Variants in ELAVL4 observed in about 807,000 individuals in gnomAD.
The protein encoded by ELAVL4 is ELAV-like protein 4.
ELAVL4 carries 1 observed loss-of-function variant against 35.6 expected under a neutral mutation model. The ratio of observed to expected loss-of-function variants is 0.03; its 90% CI spans 0.01 to 0.13. The LOEUF is 0.13. ELAVL4 is among the 10% of genes least tolerant of loss of function. The pLI, the probability that ELAVL4 is intolerant of heterozygous loss-of-function variation, is 1.00. For missense variants in ELAVL4, 267 were observed against 464.9 expected, an observed-to-expected ratio of 0.57 and a Z score of 3.91; for synonymous variants, 156 against 171.0, an observed-to-expected ratio of 0.91 and a Z score of 0.69.
At chr1:50,099,166 G>C (rs148651448), upstream of ELAVL4, among the ~76,000 whole-genome samples, 132 of 152,242 alleles carry the variant, frequency 8.7e-4, 2 homozygotes, top group East Asian at 0.024. Context: ...ATCTTTTCTT[G>C]AGTGCCCACC....
At chr1:50,134,063 A>G (rs1671489498) in intron 1 of ELAVL4, among the ~76,000 whole-genome samples, 1 of 152,156 alleles carries the variant, frequency 6.6e-6, no homozygotes. Flanking sequence ...AACAAGTGTT[A>G]ATTTTCAAAA....
At chr1:50,182,648 T>G (rs959410210) in intron 3 of ELAVL4, among the ~76,000 whole-genome samples, 3 of 152,224 alleles carry the variant, frequency 2.0e-5, no homozygotes, top group Non-Finnish European at 4.4e-5. Context: ...CATAGAATGT[T>G]TGACAGATGA....
intron 1 of ELAVL4, among the ~76,000 whole-genome samples, chr1:50,085,703 G>T (rs1665209633): frequency 1.3e-5 from 2 of 152,124 alleles, no homozygotes; most frequent in Admixed American, 6.6e-5. Context: ...GACAGATGAG[G>T]TACCATTTTT....
At chr1:50,175,950 C>T (rs1204171180) in intron 2 of ELAVL4, 1 of 152,230 alleles carries the variant, frequency 6.6e-6, no homozygotes, top group Admixed American at 6.5e-5. Context: ...CCCTTCGGCT[C>T]TGCTGCCGCC....
At chr1:50,106,450 T>C, upstream of ELAVL4, 1 of 1,391,846 alleles carries the variant, frequency 7.2e-7, no homozygotes, top group Non-Finnish European at 1.0e-6. Context: ...CATTTTTAGG[T>C]TGCCTTAGCT....
rs181453916 is a variant in ELAVL4 at position 50,066,030 on chromosome 1, G to C, written c.18+17848G>C. 1.6e-3 allele frequency among the ~76,000 whole-genome samples: 251 copies of C among 152,282 alleles called. 3 individuals carry two copies. The highest frequency in any genetic ancestry group is 0.016 in the Admixed American group (243 of 15,300). On this transcript the variant is annotated intron_variant, in intron 1 of 6. Transcript: ENST00000448907. ...TTGGCCAAAGCAGATGACAAGACCA[G>C]CCCAGATACAGGAGTGGGGAAAGAG...
intron 1 of ELAVL4, chr1:50,144,475 G>A (rs749874292): frequency 2.4e-6 from 1 of 420,722 alleles, no homozygotes; most frequent in Non-Finnish European, 4.6e-6. Context: ...TTCCCATATT[G>A]AACAACCCCA....
At chr1:50,124,269 C>T (rs893147590) in intron 1 of ELAVL4, among the ~76,000 whole-genome samples, 1 of 152,028 alleles carries the variant, frequency 6.6e-6, no homozygotes, top group Non-Finnish European at 1.5e-5. Flanking sequence ...TTCTTCTTTC[C>T]TCTAGACTCC....
In ELAVL4 at chr1:50,053,731, C is replaced by A. The variant is rs1663515617; in HGVS notation, c.18+5549C>A. Among the ~76,000 whole-genome samples, 4 of 152,266 alleles carry A rather than the reference C, an allele frequency of 2.6e-5. No individual in the cohort carries two copies. The South Asian group carries it at 6.2e-4, about 24-fold the overall frequency. ...GTATCAGTGAACAAAACTCAGCTAT[C>A]CCTGTCAGCAAAGGAACAAGAGAAA... is the stretch of plus-strand genomic sequence containing the variant. On this transcript the variant is annotated intron_variant, in intron 1 of 6. Coordinates refer to the ELAVL4 transcript ENST00000448907.
chr1:50,065,776 G>A (rs1393362834), intron 1 of ELAVL4, among the ~76,000 whole-genome samples: 1 of 152,096 alleles, frequency 6.6e-6, no homozygotes, highest in African/African-American at 2.4e-5. Flanking sequence ...CAGCTCTTGG[G>A]CAAGAAGGTA....
chr1:50,164,701 CAT>C (rs1375787877), intron 2 of ELAVL4, among the ~76,000 whole-genome samples: 1 of 152,170 alleles, frequency 6.6e-6, no homozygotes, highest in Non-Finnish European at 1.5e-5. Context: ...AGGTCTTTCA[CAT>C]GTGTCTTATG....
chr1:50,087,701 T>C (rs903709191), intron 1 of ELAVL4, among the ~76,000 whole-genome samples: 3 of 152,064 alleles, frequency 2.0e-5, no homozygotes, highest in Admixed American at 6.5e-5. Context: ...GTTATAAGGG[T>C]AGGGTCCTAG....
intron 6 of ELAVL4, among the ~76,000 whole-genome samples, chr1:50,199,738 A>G (rs771657378): frequency 2.0e-5 from 3 of 152,028 alleles, no homozygotes; most frequent in Admixed American, 6.6e-5. Context: ...AAGAAAGAAA[A>G]AAAAAGAAAA....
chr1:50,065,799 A>G (rs778995377), intron 1 of ELAVL4, among the ~76,000 whole-genome samples: 6 of 152,284 alleles, frequency 3.9e-5, no homozygotes, highest in South Asian at 2.1e-4. Context: ...TCTGCTGATC[A>G]TGACCAGGTT....
intron 3 of ELAVL4, among the ~76,000 whole-genome samples, chr1:50,186,973 C>T (rs10158995): frequency 0.018 from 2,779 of 152,264 alleles, 83 homozygotes; most frequent in African/African-American, 0.061. Context: ...ATCAAAGCTG[C>T]GGTTTCCAGG....
Position 50,153,393 on chromosome 1 carries a change from C to T in ELAVL4, c.250+8196C>T, listed in dbSNP as rs573892747. Among the ~76,000 whole-genome samples the T allele has an allele frequency of 2.0e-5, 3 of 152,274 alleles. No individual in the cohort carries two copies. In the South Asian group the frequency reaches 6.2e-4, roughly 32 times the overall value. On this transcript the variant is annotated intron_variant, in intron 2 of 6. Transcript: ENST00000371824. The stretch of plus-strand genomic sequence containing the variant: ...GTGTTGCCTGATCAGTGATTTTATT[C>T]CCATTTTGCAGATGCAGAACCCAAG...
intron 1 of ELAVL4, among the ~76,000 whole-genome samples, chr1:50,062,281 A>G (rs1017334629): frequency 3.3e-5 from 5 of 152,212 alleles, no homozygotes; most frequent in Admixed American, 3.3e-4. Context: ...AGATATGTGC[A>G]GGGTGCCCTG....
intron 3 of ELAVL4, among the ~76,000 whole-genome samples, chr1:50,178,390 T>A (rs945344124): frequency 2.6e-5 from 4 of 152,238 alleles, no homozygotes; most frequent in African/African-American, 9.6e-5. Context: ...TATAAGATAA[T>A]CTTAGCTGGA....
At chr1:50,123,718 T>A (rs1669417092) in intron 1 of ELAVL4, among the ~76,000 whole-genome samples, 1 of 152,040 alleles carries the variant, frequency 6.6e-6, no homozygotes, top group Non-Finnish European at 1.5e-5. Context: ...CTGTTCATGC[T>A]CCACTGTAGA....
Sources: allele counts gnomAD v4.1 joint callset (sites outside exome capture counted in the v4.1 genomes callset), GRCh38; gene constraint gnomAD v4.1.1; transcripts MANE v1.5; gene names NCBI Gene and HGNC (gene_info 2026-07-23, HGNC 2026-07-21).